The following RHOBTB1 variants were observed in gnomAD, a reference collection of about 807,000 sequenced individuals.
RHOBTB1 encodes the protein rho-related BTB domain-containing protein 1.
In RHOBTB1, 40 loss-of-function variants were observed where a neutral mutation model predicts 71.6. The ratio of observed to expected loss-of-function variants is 0.56; its 90% CI spans 0.43 to 0.73. The LOEUF is 0.73. Ranked by LOEUF, RHOBTB1 falls within the 30% of genes least tolerant of loss-of-function variation. RHOBTB1 has a pLI of 0.00. For synonymous variants in RHOBTB1, 319 were observed against 334.9 expected, an observed-to-expected ratio of 0.95 and a Z score of 0.52; for missense variants, 797 against 894.0, an observed-to-expected ratio of 0.89 and a Z score of 1.38.
chr10:60,991,269 G>A (rs995304256), intron 1 of RHOBTB1, among the ~76,000 whole-genome samples: 6 of 151,818 alleles, frequency 4.0e-5, no homozygotes, highest in South Asian at 4.2e-4. Context: ...CCAAAAAAAC[G>A]ATAAACAACA....
intron 2 of RHOBTB1, among the ~76,000 whole-genome samples, chr10:60,951,344 TC>T (rs5785470): frequency 0.51 from 77,003 of 151,922 alleles, 19,846 homozygotes; most frequent in East Asian, 0.77. Context: ...TGGTTCCTAA[TC>T]TAAAAGCAAA....
At chr10:60,892,620 A>G (rs1250670894) in intron 5 of RHOBTB1, among the ~76,000 whole-genome samples, 190 bp downstream of exon 5, 1 of 152,170 alleles carries the variant, frequency 6.6e-6, no homozygotes, top group Non-Finnish European at 1.5e-5. Flanking sequence ...GAGTTCTGAC[A>G]CCAGAGATGA....
chr10:60,976,256 G>A (rs1023831193), intron 2 of RHOBTB1, among the ~76,000 whole-genome samples: 1 of 151,628 alleles, frequency 6.6e-6, no homozygotes, highest in Admixed American at 6.6e-5. Flanking sequence ...GAAAATTTAT[G>A]TACTTCATAT....
intron 1 of RHOBTB1, among the ~76,000 whole-genome samples, chr10:61,000,983 T>C (rs530684186): frequency 6.6e-6 from 1 of 152,282 alleles, no homozygotes; most frequent in African/African-American, 2.4e-5. Flanking sequence ...CAGATTCTTA[T>C]CTTTTCTGAC....
intron 1 of RHOBTB1, among the ~76,000 whole-genome samples, chr10:60,990,441 A>G (rs1008177780): frequency 1.3e-5 from 2 of 152,242 alleles, no homozygotes; most frequent in South Asian, 2.1e-4. Context: ...TCAAACAGGC[A>G]GGACGACAGA....
At chr10:60,865,018 G>A (rs2080630724), downstream of RHOBTB1, among the ~76,000 whole-genome samples, 1 of 152,086 alleles carries the variant, frequency 6.6e-6, no homozygotes, top group African/African-American at 2.4e-5. Flanking sequence ...AGAAATCTCA[G>A]GTGTATAAAG....
chr10:60,943,856 C>G (rs1360079545), intron 1 of RHOBTB1, 115 bp downstream of exon 1: 1 of 152,210 alleles, frequency 6.6e-6, no homozygotes, highest in Admixed American at 6.5e-5. Context: ...CTGCTGGCCT[C>G]GTGGCACGGC....
At chr10:60,911,271 G>A (rs887627007) in intron 3 of RHOBTB1, 80 bp downstream of exon 3, 37 of 1,344,514 alleles carry the variant, frequency 2.8e-5, no homozygotes, top group African/African-American at 7.3e-5. Flanking sequence ...ATTTATCCAC[G>A]CTCCTCCTTT....
intron 1 of RHOBTB1, among the ~76,000 whole-genome samples, chr10:60,987,028 T>G (rs2086690839): frequency 6.6e-6 from 1 of 152,142 alleles, no homozygotes; most frequent in African/African-American, 2.4e-5. Context: ...AAATGAAGTG[T>G]GGACCCAGAT....
At chr10:60,890,458 C>A (rs2081862401) in intron 5 of RHOBTB1, among the ~76,000 whole-genome samples, 1 of 151,304 alleles carries the variant, frequency 6.6e-6, no homozygotes, top group African/African-American at 2.4e-5. Context: ...GGCCCATTTA[C>A]AACCTAATCA....
intron 2 of RHOBTB1, among the ~76,000 whole-genome samples, chr10:60,920,160 G>C (rs2083476504): frequency 6.6e-6 from 1 of 152,116 alleles, no homozygotes; most frequent in Non-Finnish European, 1.5e-5. Context: ...TCTCACTAAG[G>C]CAGTCTTAAT....
At chr10:60,864,203 T>A in the RHOBTB1 span, among the ~76,000 whole-genome samples, 1 of 152,168 alleles carries the variant, frequency 6.6e-6, no homozygotes, top group Non-Finnish European at 1.5e-5. Flanking sequence ...TGCTTGGGAA[T>A]CTTCACCTCA....
At chr10:60,999,134 C>G (rs989228623) in intron 1 of RHOBTB1, among the ~76,000 whole-genome samples, 1 of 152,086 alleles carries the variant, frequency 6.6e-6, no homozygotes, top group South Asian at 2.1e-4. Context: ...CAAATCAAGA[C>G]AAAGTAGAGC....
chr10:60,897,976 T>C (rs951439041), intron 4 of RHOBTB1, among the ~76,000 whole-genome samples: 1 of 152,180 alleles, frequency 6.6e-6, no homozygotes, highest in African/African-American at 2.4e-5. Context: ...AGAGCTGGGA[T>C]TACAGGCATG....
chr10:60,981,072 A>G (rs10994589), intron 2 of RHOBTB1, among the ~76,000 whole-genome samples: 4,105 of 152,264 alleles, frequency 0.027, 190 homozygotes, highest in African/African-American at 0.094. Context: ...GGGAAATTCT[A>G]TGTTTGATAT....
chr10:60,919,026 A>G (rs1027239673), intron 2 of RHOBTB1, among the ~76,000 whole-genome samples: 5 of 152,170 alleles, frequency 3.3e-5, no homozygotes, highest in African/African-American at 1.2e-4. Context: ...GATTACAGGC[A>G]TGAGCCAACA....
At chr10:60,884,229 T>C (rs967546437) in intron 7 of RHOBTB1, among the ~76,000 whole-genome samples, 3 of 152,296 alleles carry the variant, frequency 2.0e-5, no homozygotes, top group South Asian at 2.1e-4. Context: ...GGGATGCAAA[T>C]GCAGGCTCCT....
chr10:60,966,144 T>A (rs141798179), intron 2 of RHOBTB1, among the ~76,000 whole-genome samples: 1 of 152,056 alleles, frequency 6.6e-6, no homozygotes, highest in Admixed American at 6.6e-5. Context: ...TTGAAAAGAT[T>A]GAGATGTTTG....
chr10:60,988,675 T>C (rs2086754959), intron 1 of RHOBTB1, among the ~76,000 whole-genome samples: 1 of 152,200 alleles, frequency 6.6e-6, no homozygotes, highest in South Asian at 2.1e-4. Flanking sequence ...ATGGTGTATG[T>C]ACACCACATT....
Sources: allele counts gnomAD v4.1 joint callset (sites outside exome capture counted in the v4.1 genomes callset), GRCh38; gene constraint gnomAD v4.1.1; transcripts MANE v1.5; gene names NCBI Gene and HGNC (gene_info 2026-07-23, HGNC 2026-07-21).